Variants in STARD3NL observed in about 807,000 individuals in gnomAD.
The protein encoded by STARD3NL is STARD3 N-terminal like.
STARD3NL carries 17 observed loss-of-function variants against 30.9 expected under a neutral mutation model. The observed-to-expected ratio is 0.55, with a 90% confidence interval of 0.38 to 0.82. The LOEUF (loss-of-function observed/expected upper bound fraction) is 0.82, where lower values mean the gene tolerates loss of function less well. Ranked by LOEUF, STARD3NL falls within the 40% of genes least tolerant of loss-of-function variation. STARD3NL has a pLI of 0.00. For missense variants in STARD3NL, 234 were observed against 277.6 expected, an observed-to-expected ratio of 0.84 and a Z score of 1.12; for synonymous variants, 112 against 100.5, an observed-to-expected ratio of 1.11 and a Z score of -0.69.
At chr7:38,221,813 C>T (rs1257851614) in intron 7 of STARD3NL, among the ~76,000 whole-genome samples, 1 of 152,232 alleles carries the variant, frequency 6.6e-6, no homozygotes, top group East Asian at 1.9e-4. Flanking sequence ...TTCTGGTGTG[C>T]TGTTCATAGC....
At chr7:38,201,879 G>T (rs563318122) in intron 1 of STARD3NL, 1 of 152,326 alleles carries the variant, frequency 6.6e-6, no homozygotes, top group East Asian at 1.9e-4. Context: ...GGTAGAGACA[G>T]GGTTTCCCTA....
chr7:38,226,475 C>A lies in STARD3NL; in HGVS notation c.650-2324C>A, dbSNP rs141071543. Among the ~76,000 whole-genome samples, 167 of 152,304 alleles carry A rather than the reference C, an allele frequency of 1.1e-3. No homozygotes were observed. The Middle Eastern group carries it at 0.014, about 12-fold the overall frequency. The stretch of plus-strand genomic sequence containing the variant: ...TACACAGAGGATTGCACTCAAATAC[C>A]TGGATCAAGGCTTCCATCCTCTGCC... On this transcript the variant is annotated intron_variant, in intron 7 of 8. Transcript: ENST00000009041.
intron 1 of STARD3NL, among the ~76,000 whole-genome samples, chr7:38,191,420 T>C (rs1188999546): frequency 1.3e-4 from 20 of 152,210 alleles, no homozygotes; most frequent in Non-Finnish European, 2.2e-4. Flanking sequence ...ACACAATTTT[T>C]TTAATGGTTA....
At chr7:38,215,204 A>G (rs905459776) in intron 4 of STARD3NL, 99 bp downstream of exon 4, 14 of 1,114,862 alleles carry the variant, frequency 1.3e-5, no homozygotes, top group Non-Finnish European at 1.7e-5. Context: ...GTTCTAATGC[A>G]GGTGGAATCC....
chr7:38,217,138 A>G (rs1487817344), intron 5 of STARD3NL, 50 bp from the exon 6 acceptor site: 3 of 1,613,392 alleles, frequency 1.9e-6, no homozygotes, highest in Non-Finnish European at 8.5e-7. Context: ...CTCGTTTTTC[A>G]GTGTGAGTTT....
At chr7:38,221,989 T>A (rs1438288721) in intron 7 of STARD3NL, among the ~76,000 whole-genome samples, 1 of 152,200 alleles carries the variant, frequency 6.6e-6, no homozygotes, top group Non-Finnish European at 1.5e-5. Context: ...AGAACATCCT[T>A]AGCATGTTCT....
intron 6 of STARD3NL, among the ~76,000 whole-genome samples, chr7:38,217,735 A>G (rs1786206900): frequency 6.6e-6 from 1 of 152,232 alleles, no homozygotes; most frequent in South Asian, 2.1e-4. Flanking sequence ...CAACTATTCT[A>G]AATACAAGCC....
rs115177046 is a variant in STARD3NL, at chr7:38,214,195, C to T, written c.226-162C>T. Among the ~76,000 whole-genome samples the T allele has an allele frequency of 1.8e-3, 268 of 152,286 alleles. 1 individual carries two copies. Among genetic ancestry groups the T allele is most frequent in the African/African-American group, 6.2e-3 (256 of 41,550 alleles). ...TCAGAGTTGAGGAATTGGAGAGTGCCATCTAGCCCTTTTCTATTAAAATTA... is the reference window on the plus strand; with the variant it reads ...TCAGAGTTGAGGAATTGGAGAGTGCTATCTAGCCCTTTTCTATTAAAATTA... On this transcript the variant is annotated intron_variant, in intron 2 of 8. Transcript: ENST00000009041.
In STARD3NL at chr7:38,210,221, C is replaced by CA. The variant is rs557922645; in HGVS notation, c.225+2500dup. On this transcript the variant is annotated intron_variant, in intron 2 of 8. Coordinates refer to ENST00000009041, the MANE Select transcript of STARD3NL (RefSeq NM_032016.4). ...CTAATTCAGGTGTTGCAAGCTCTAC[C>CA]AAAAAAAACTATATGGGATTTAGAG... Among the ~76,000 whole-genome samples, 37 of 151,576 alleles carry CA rather than the reference C, an allele frequency of 2.4e-4. No individual in the cohort carries two copies. The East Asian group carries it at 5.6e-3, about 23-fold the overall frequency.
chr7:38,201,441 A>G (rs1033069208), intron 1 of STARD3NL, among the ~76,000 whole-genome samples: 31 of 152,290 alleles, frequency 2.0e-4, no homozygotes, highest in Middle Eastern at 3.4e-3. Flanking sequence ...GTGGAAGGAA[A>G]AAGGAGTGAA....
At chr7:38,187,833 G>A (rs1376830238) in intron 1 of STARD3NL, among the ~76,000 whole-genome samples, 1 of 152,026 alleles carries the variant, frequency 6.6e-6, no homozygotes, top group Non-Finnish European at 1.5e-5. Flanking sequence ...CCCTTGTCTA[G>A]CTTCCCGCTT....
At chr7:38,225,116 A>G (rs563268845) in intron 7 of STARD3NL, among the ~76,000 whole-genome samples, 1 of 152,174 alleles carries the variant, frequency 6.6e-6, no homozygotes, top group East Asian at 1.9e-4. Flanking sequence ...GATATTTTTC[A>G]TGTTTCTATT....
chr7:38,184,810 A>G (rs188180734), intron 1 of STARD3NL, among the ~76,000 whole-genome samples: 2 of 146,372 alleles, frequency 1.4e-5, no homozygotes, highest in Admixed American at 1.4e-4. Flanking sequence ...AATTATGACT[A>G]TGGAAATACA....
intron 1 of STARD3NL, among the ~76,000 whole-genome samples, chr7:38,188,269 G>A (rs370423543): frequency 1.1e-4 from 16 of 152,172 alleles, no homozygotes; most frequent in African/African-American, 3.9e-4. Context: ...CTGCAGCTTC[G>A]CTGGCCACCT....
At chr7:38,187,267 C>T (rs1442450578) in intron 1 of STARD3NL, among the ~76,000 whole-genome samples, 1 of 152,200 alleles carries the variant, frequency 6.6e-6, no homozygotes, top group African/African-American at 2.4e-5. Flanking sequence ...TTTTGCCAAC[C>T]TGTAGTCTAT....
chr7:38,206,072 G>A (rs915802203), intron 1 of STARD3NL, among the ~76,000 whole-genome samples: 4 of 152,210 alleles, frequency 2.6e-5, no homozygotes, highest in Non-Finnish European at 5.9e-5. Context: ...GTTCCTGAGT[G>A]TGGAAAGGAA....
intron 2 of STARD3NL, 42 bp from the exon 3 acceptor site, chr7:38,214,315 C>A: frequency 7.8e-7 from 1 of 1,288,694 alleles, no homozygotes; most frequent in Non-Finnish European, 1.1e-6. Flanking sequence ...TATTTCCACA[C>A]ATAAACCTCT....
At chr7:38,196,461 G>A (rs1463854882) in intron 1 of STARD3NL, among the ~76,000 whole-genome samples, 1 of 152,110 alleles carries the variant, frequency 6.6e-6, no homozygotes, top group Non-Finnish European at 1.5e-5. Context: ...GTAACTCTCA[G>A]TATTCCTTTG....
intron 1 of STARD3NL, among the ~76,000 whole-genome samples, chr7:38,201,115 A>G (rs541314206): frequency 6.6e-6 from 1 of 152,354 alleles, no homozygotes; most frequent in South Asian, 2.1e-4. Context: ...TAGGTAAACT[A>G]TAAAGAAAAA....
Sources: allele counts gnomAD v4.1 joint callset (sites outside exome capture counted in the v4.1 genomes callset), GRCh38; gene constraint gnomAD v4.1.1; transcripts MANE v1.5; gene names NCBI Gene and HGNC (gene_info 2026-07-23, HGNC 2026-07-21).